Variants in PPFIA1 observed in about 807,000 individuals in gnomAD.
The protein encoded by PPFIA1 is PPFI scaffold protein A1, also known as liprin-alpha-1.
Under a neutral mutation model 149.9 loss-of-function variants are expected in PPFIA1, and 25 were observed. The observed-to-expected ratio is 0.17, with a 90% CI of 0.12 to 0.23. The LOEUF is 0.23. Ranked by LOEUF, PPFIA1 falls within the 10% of genes least tolerant of loss-of-function variation. The pLI, the probability that PPFIA1 is intolerant of heterozygous loss-of-function variation, is 1.00. For missense variants in PPFIA1, 1,362 were observed against 1,506.5 expected (o/e 0.90, Z 1.59); for synonymous variants, 549 against 552.8 (o/e 0.99, Z 0.10).
chr11:70,282,833 CTTTT>C (rs59308854), intron 2 of PPFIA1, among the ~76,000 whole-genome samples: 2 of 71,892 alleles, frequency 2.8e-5, no homozygotes, highest in Non-Finnish European at 5.0e-5. Context: ...CCGTGCCTGG[CTTTT>C]TTTTTTTTTT....
At chr11:70,343,126 T>G (rs2055457666) in intron 14 of PPFIA1, among the ~76,000 whole-genome samples, 1 of 152,090 alleles carries the variant, frequency 6.6e-6, no homozygotes, top group Non-Finnish European at 1.5e-5. Context: ...TTTTGTATTT[T>G]TAGTAGAGAT....
intron 2 of PPFIA1, among the ~76,000 whole-genome samples, chr11:70,315,732 A>G (rs1217729683): frequency 7.3e-6 from 1 of 136,364 alleles, no homozygotes; most frequent in Non-Finnish European, 1.5e-5. Flanking sequence ...AGATAAAAAT[A>G]CCATCATAAC....
At chr11:70,335,230 C>A (rs1206861557) in intron 10 of PPFIA1, among the ~76,000 whole-genome samples, 1 of 152,180 alleles carries the variant, frequency 6.6e-6, no homozygotes, top group African/African-American at 2.4e-5. Context: ...AATTCCTCTA[C>A]CAGCGTGGAG....
At position 70,305,943 on chromosome 11, in the gene PPFIA1, TGGGG is replaced by T. The variant is rs1653108294; in HGVS notation, c.265-18458_265-18455del. Among the ~76,000 whole-genome samples, 3 of 152,202 alleles carry T rather than the reference TGGGG, an allele frequency of 2.0e-5. 1 individual carries two copies. In the South Asian group the frequency reaches 6.2e-4, roughly 31 times the overall value. On this transcript the variant is annotated intron_variant, in intron 2 of 27. Coordinates refer to ENST00000253925, the MANE Select transcript of PPFIA1 (RefSeq NM_003626.5). ...TATTTTAATCTACCCCTTATTGCCATGGGGAGGTTTAAAAAAGCAAAATTCAAAA... is the reference window on the plus strand; with the variant it reads ...TATTTTAATCTACCCCTTATTGCCATAGGTTTAAAAAAGCAAAATTCAAAA...
intron 2 of PPFIA1, among the ~76,000 whole-genome samples, chr11:70,276,008 T>G (rs2050361566): frequency 6.6e-6 from 1 of 152,226 alleles, no homozygotes; most frequent in African/African-American, 2.4e-5. Context: ...GCCAAGAGTT[T>G]TTTAAAAACC....
At chr11:70,350,003 C>T (rs1416808163) in intron 16 of PPFIA1, 10 of 453,926 alleles carry the variant, frequency 2.2e-5, no homozygotes, top group South Asian at 1.4e-4. Context: ...CTCCCAGTTC[C>T]ACCCCATGCT....
intron 21 of PPFIA1, chr11:70,371,646 C>G (rs1159240978): frequency 2.2e-4 from 2 of 8,944 alleles, no homozygotes; most frequent in Non-Finnish European, 5.1e-4. Context: ...TTTTTTGCTT[C>G]TTTCATCAGT....
intron 2 of PPFIA1, among the ~76,000 whole-genome samples, chr11:70,312,427 A>G (rs528124023): frequency 1.4e-4 from 21 of 152,198 alleles, no homozygotes; most frequent in Non-Finnish European, 2.6e-4. Context: ...CTGGCCTCAA[A>G]TGATCCTCCC....
rs1270941017 is a variant in PPFIA1, at chr11:70,333,569, T to G, written c.1296+16T>G. The G allele has an allele frequency of 6.2e-7, 1 of 1,601,946 alleles. No individual in the cohort carries two copies. The highest frequency in any genetic ancestry group is 2.2e-5 in the East Asian group (1 of 44,708). ...ACTGCAGCGGGTGAGCATGCAGCCCTGAGGGTGGGGGCGCTGAGTGGGTGC... is the reference window on the plus strand; with the variant it reads ...ACTGCAGCGGGTGAGCATGCAGCCCGGAGGGTGGGGGCGCTGAGTGGGTGC... On this transcript the variant is annotated intron_variant, in intron 10 of 27. Transcript: ENST00000253925.
At chr11:70,314,822 A>G (rs1437441113) in intron 2 of PPFIA1, among the ~76,000 whole-genome samples, 1 of 152,222 alleles carries the variant, frequency 6.6e-6, no homozygotes, top group African/African-American at 2.4e-5. Context: ...CACCGCTATG[A>G]AAAAATACCA....
chr11:70,359,036 C>T (rs2056502864), intron 19 of PPFIA1, among the ~76,000 whole-genome samples: 1 of 152,210 alleles, frequency 6.6e-6, no homozygotes, highest in Admixed American at 6.5e-5. Context: ...TGAGTGTGGG[C>T]AGTCACCAGC....
rs148292877 is a variant in PPFIA1, at chr11:70,343,834, G to T, written c.1873G>T (p.Ala625Ser). Residue 625 changes from alanine (A) to serine (S), a missense_variant, in exon 15 of 28, where the codon GCG (alanine) becomes TCG (serine). By Grantham distance (99) the Ala-to-Ser change is moderately conservative. Coordinates refer to ENST00000253925, the MANE Select transcript of PPFIA1 (RefSeq NM_003626.5). ...DLLSPSGQADAHTLAMMLQEQ... is the reference protein window; with the variant it reads ...DLLSPSGQADSHTLAMMLQEQ... ...GCTATCGCCCAGCGGGCAGGCCGAC[G>T]CGCACACACTAGCCATGATGCTTCA... 53 of 1,613,970 alleles carry T rather than the reference G, an allele frequency of 3.3e-5. No homozygotes were observed. The highest frequency in any genetic ancestry group is 1.3e-4 in the Admixed American group (8 of 59,996).
chr11:70,343,925 G>A (rs774038891), intron 15 of PPFIA1, 33 bp downstream of exon 15: 133 of 1,548,346 alleles, frequency 8.6e-5, no homozygotes, highest in Admixed American at 2.8e-4. Flanking sequence ...CTCACCACAC[G>A]CATGGGTGTC....
chr11:70,334,619 C>G (rs576675455), intron 10 of PPFIA1: 14 of 152,372 alleles, frequency 9.2e-5, no homozygotes. Context: ...ACATGATGTG[C>G]TGGACCCTTT....
rs561906325 is a variant in PPFIA1 at position 70,343,661 on chromosome 11, G to T, written c.1708-8G>T. 119 of 1,613,110 alleles carry T rather than the reference G, an allele frequency of 7.4e-5. No homozygotes were observed. The South Asian group carries it at 1.2e-3, about 16-fold the overall frequency. ...TTATCTACTGAGATTTGGTTTTCTT[G>T]TTTATAGGTACAAACTCTTAATGAG... is the stretch of plus-strand genomic sequence containing the variant. On this transcript the variant is annotated splice_polypyrimidine_tract_variant and splice_region_variant and intron_variant, in intron 14 of 27. Transcript: ENST00000253925.
At chr11:70,271,289 C>A (rs1400145605) in intron 1 of PPFIA1, 1 of 152,528 alleles carries the variant, frequency 6.6e-6, no homozygotes, top group East Asian at 1.9e-4. Context: ...GAGTGCGGCT[C>A]GAGCAGGCTG....
chr11:70,381,973 C>T (rs2057731339), intron 26 of PPFIA1, 115 bp from the exon 27 acceptor site: 4 of 867,912 alleles, frequency 4.6e-6, no homozygotes, highest in Non-Finnish European at 5.5e-6. Flanking sequence ...CCTCAGGTCC[C>T]TCCGTAGGCA....
chr11:70,310,893 C>T (rs1324301270), intron 2 of PPFIA1, among the ~76,000 whole-genome samples: 1 of 152,040 alleles, frequency 6.6e-6, no homozygotes, highest in Admixed American at 6.6e-5. Flanking sequence ...GACCCAGTAT[C>T]GGGAGAGCAG....
At chr11:70,331,152 T>A (rs2054631576) in intron 8 of PPFIA1, among the ~76,000 whole-genome samples, 1 of 151,730 alleles carries the variant, frequency 6.6e-6, no homozygotes, top group African/African-American at 2.4e-5. Context: ...GGAGAATCGC[T>A]TGAACCCAAG....
Sources: allele counts gnomAD v4.1 joint callset (sites outside exome capture counted in the v4.1 genomes callset), GRCh38; gene constraint gnomAD v4.1.1; transcripts MANE v1.5; gene names NCBI Gene and HGNC (gene_info 2026-07-23, HGNC 2026-07-21).